The following RFX1 variants were observed in gnomAD, a reference collection of about 807,000 sequenced individuals.
RFX1 encodes regulatory factor X1, also known as MHC class II regulatory factor RFX1.
Under a neutral mutation model 119.6 loss-of-function variants are expected in RFX1, and 42 were observed. The observed-to-expected ratio is 0.35, with a 90% CI of 0.27 to 0.45. The LOEUF (loss-of-function observed/expected upper bound fraction) is 0.45. RFX1 is among the 20% of genes least tolerant of loss of function. The pLI is 1.00. For missense variants in RFX1, 1,118 were observed against 1,368.1 expected, an observed-to-expected ratio of 0.82 and a Z score of 2.88; for synonymous variants, 628 against 618.5, an observed-to-expected ratio of 1.02 and a Z score of -0.23.
chr19:13,977,382 G>A (rs1202745765), intron 8 of RFX1, among the ~76,000 whole-genome samples: 2 of 152,024 alleles, frequency 1.3e-5, no homozygotes, highest in African/African-American at 4.8e-5. Context: ...AAAGAAACAG[G>A]TCACAGCATC....
Position 13,977,975 on chromosome 19 carries a change from C to T in RFX1, c.929+17G>A. On this transcript the variant is annotated intron_variant, in intron 8 of 20. Coordinates refer to ENST00000254325, the MANE Select transcript of RFX1 (RefSeq NM_002918.5). ...TGCAGACCTGACTCCCTCACCCACC[C>T]CTCTCCCTTCACTTACATGGCACTG... The T allele has an allele frequency of 1.3e-6, 2 of 1,595,206 alleles. No individual in the cohort carries two copies. The highest frequency in any genetic ancestry group is 1.7e-6 in the Non-Finnish European group (2 of 1,165,064).
intron 8 of RFX1, among the ~76,000 whole-genome samples, chr19:13,975,957 C>A (rs1367909866): frequency 1.3e-5 from 2 of 152,216 alleles, no homozygotes; most frequent in African/African-American, 4.8e-5. Flanking sequence ...GAACTAGGTG[C>A]AATCACACAC....
At chr19:13,989,094 G>A (rs1974712939) in intron 2 of RFX1, among the ~76,000 whole-genome samples, 1 of 152,242 alleles carries the variant, frequency 6.6e-6, no homozygotes. Context: ...CAGAAAGGTA[G>A]TGTCTGAGCA....
At position 13,972,966 on chromosome 19, in the gene RFX1, T is replaced by C; in HGVS notation, c.1091A>G (p.Gln364Arg). Residue 364 changes from glutamine to arginine, a missense_variant, in exon 9 of 21, where the codon CAG becomes CGG. Physicochemically the swap from Gln to Arg is conservative, Grantham distance 43 (BLOSUM62 1). Transcript: ENST00000254325. Reference sequence around the variant, plus strand: ...AGTGCTGGTGGAGCTGGCGACGACCTGGCTGCCGGACACGTACATGGGCAT... The same window carrying C: ...AGTGCTGGTGGAGCTGGCGACGACCCGGCTGCCGGACACGTACATGGGCAT... ...GSMPMYVSGS[Q>R]VVASSTSTGA... is the part of the protein sequence containing the mutation. The C allele has an allele frequency of 1.3e-6, 2 of 1,599,686 alleles. No individual in the cohort carries two copies. The highest frequency in any genetic ancestry group is 1.7e-6 in the Non-Finnish European group (2 of 1,179,532).
intron 1 of RFX1, among the ~76,000 whole-genome samples, chr19:14,005,570 G>A (rs1975343279): frequency 6.6e-6 from 1 of 152,210 alleles, no homozygotes; most frequent in Admixed American, 6.5e-5. Flanking sequence ...GAAAACTGAG[G>A]CCTCAGATGG....
In RFX1 at chr19:13,965,598, G is replaced by A. The variant is rs2145536186; in HGVS notation, c.2113+28C>T. The A allele has an allele frequency of 2.5e-6, 4 of 1,612,546 alleles. No individual in the cohort carries two copies. The highest frequency in any genetic ancestry group is 3.3e-4 in the Middle Eastern group (2 of 6,052). On this transcript the variant is annotated intron_variant, in intron 15 of 20. Transcript: ENST00000254325. The surrounding 1 kb of genome is among the most constrained non-coding windows in gnomAD (Gnocchi z 4.7). ...GGGCAGGGCGGGTGTATGTGGGGCA[G>A]GGGATGCCGAGCAGGCCGAGCACTC...
Position 13,965,802 on chromosome 19 carries a change from G to A in RFX1, c.1962-25C>T. 1 of 1,610,876 alleles carries A rather than the reference G, an allele frequency of 6.2e-7. No individual in the cohort carries two copies. The highest frequency in any genetic ancestry group is 1.1e-5 in the South Asian group (1 of 90,838). On this transcript the variant is annotated intron_variant, in intron 14 of 20. Transcript: ENST00000254325. The surrounding 1 kb of genome is among the most constrained non-coding windows in gnomAD (Gnocchi z 4.7). ...TCTGCGGGCACCCACCCCACCCCGGGTCACTGGGGTACTCTATGGTCCTGC... is the reference window on the plus strand; with the variant it reads ...TCTGCGGGCACCCACCCCACCCCGGATCACTGGGGTACTCTATGGTCCTGC...
rs571805925 is a variant in RFX1, at chr19:13,993,040, C to A, written c.319+485G>T. ...CTGTGGTCTCAGCAACTCAGGAGAC[C>A]GAGGTGGGAGGATCATTTGAGGCCG... On this transcript the variant is annotated intron_variant, in intron 2 of 20. Coordinates refer to ENST00000254325, the MANE Select transcript of RFX1 (RefSeq NM_002918.5). 2.0e-5 allele frequency among the ~76,000 whole-genome samples: 3 copies of A among 152,082 alleles called. No homozygotes were observed. In the East Asian group the frequency reaches 5.8e-4, roughly 29 times the overall value.
At chr19:14,005,537 G>A (rs1284609086) in intron 1 of RFX1, among the ~76,000 whole-genome samples, 1 of 152,238 alleles carries the variant, frequency 6.6e-6, no homozygotes, top group African/African-American at 2.4e-5. Flanking sequence ...CGATGTCAAT[G>A]ATTCTCCCCA....
intron 8 of RFX1, among the ~76,000 whole-genome samples, chr19:13,974,496 G>A (rs1341874090): frequency 2.6e-5 from 4 of 152,166 alleles, no homozygotes; most frequent in Non-Finnish European, 4.4e-5. Context: ...TGAAAGAGAA[G>A]GAGGCAAGGC....
intron 2 of RFX1, among the ~76,000 whole-genome samples, chr19:13,991,020 C>T (rs1018398647): frequency 6.6e-6 from 1 of 152,122 alleles, no homozygotes; most frequent in Non-Finnish European, 1.5e-5. Flanking sequence ...GGGTGCTGTT[C>T]CACCTTGATG....
In RFX1 at chr19:13,965,662, C is replaced by T; in HGVS notation, c.2077G>A (p.Glu693Lys). ...CDNVLYQGLV[E>K]ILIPDVLRPI... ...CGCAGCACGTCGGGAATGAGGATTT[C>T]CACCAGGCCCTGGTACAGCACGTTG... The change falls in exon 15 of 21, where the codon GAA becomes AAA. Residue 693 changes from glutamate to lysine, a missense_variant. Glu to Lys is a moderately conservative substitution (Grantham distance 56). Transcript: ENST00000254325. The surrounding 1 kb of genome is among the most constrained non-coding windows in gnomAD (Gnocchi z 4.7). 1 of 1,613,790 alleles carries T rather than the reference C, an allele frequency of 6.2e-7. No homozygotes were observed.
intron 8 of RFX1, among the ~76,000 whole-genome samples, chr19:13,976,962 C>T (rs886472507): frequency 2.7e-5 from 4 of 150,856 alleles, no homozygotes; most frequent in Non-Finnish European, 5.9e-5. Flanking sequence ...CGCCACTGCT[C>T]TCTGGCCTGG....
In RFX1 at chr19:13,962,634, G is replaced by T; in HGVS notation, c.*61C>A. 7.6e-7 allele frequency: 1 copy of T among 1,313,292 alleles called. No homozygotes were observed. Among genetic ancestry groups the T allele is most frequent in the Non-Finnish European group, 9.9e-7 (1 of 1,005,248 alleles). The allele number at this position is 1,313,292 out of a possible 1,614,324, so 81.4% of individuals were successfully genotyped here. On this transcript the variant is annotated 3_prime_UTR_variant, in exon 21 of 21. Coordinates refer to ENST00000254325, the MANE Select transcript of RFX1 (RefSeq NM_002918.5). The stretch of plus-strand genomic sequence containing the variant: ...GAGCAGTGACCACGAAGCCACAGAA[G>T]CTTTGAGGGACCCTGGCGTGGAGGG...
intron 8 of RFX1, among the ~76,000 whole-genome samples, chr19:13,975,178 A>C (rs376828405): frequency 6.6e-6 from 1 of 152,094 alleles, no homozygotes; most frequent in South Asian, 2.1e-4. Flanking sequence ...CAACATGATG[A>C]AACCCTCTCT....
Position 13,965,913 on chromosome 19 carries a change from G to A in RFX1, c.1962-136C>T. ...TGTGGTTCTACCCCCAGCATCAGAA[G>A]GCACAGGTACCCCCTTACCCCCACT... is the stretch of plus-strand genomic sequence containing the variant. On this transcript the variant is annotated intron_variant, in intron 14 of 20. Transcript: ENST00000254325. This position sits in a 1 kb window ranked among gnomAD's most constrained non-coding sequence, Gnocchi z 4.7. 9.4e-7 allele frequency: 1 copy of A among 1,059,398 alleles called. No homozygotes were observed. The highest frequency in any genetic ancestry group is 1.4e-6 in the Non-Finnish European group (1 of 735,680). 65.6% of individuals were successfully genotyped at this position (1,059,398 alleles called of 1,614,324 possible).
intron 5 of RFX1, among the ~76,000 whole-genome samples, chr19:13,981,662 C>G (rs1974433725): frequency 6.6e-6 from 1 of 152,168 alleles, no homozygotes; most frequent in South Asian, 2.1e-4. Flanking sequence ...GCTGGGCCAG[C>G]CATCTGACCC....
At chr19:13,964,791 T>C (rs1973841378) in intron 16 of RFX1, among the ~76,000 whole-genome samples, 1 of 152,232 alleles carries the variant, frequency 6.6e-6, no homozygotes, top group Non-Finnish European at 1.5e-5. Flanking sequence ...TCATTTTCTT[T>C]CGTACCCTGG....
chr19:14,005,807 C>T (rs1221117853), intron 1 of RFX1, among the ~76,000 whole-genome samples: 1 of 151,874 alleles, frequency 6.6e-6, no homozygotes, highest in Non-Finnish European at 1.5e-5. Flanking sequence ...GCCCAGCCTC[C>T]CCAGGCCCGC....
Sources: allele counts gnomAD v4.1 joint callset (sites outside exome capture counted in the v4.1 genomes callset), GRCh38; gene constraint gnomAD v4.1.1; non-coding constraint Gnocchi (gnomAD v3.1); transcripts MANE v1.5; gene names NCBI Gene and HGNC (gene_info 2026-07-23, HGNC 2026-07-21).